Variants in CNTNAP2 observed in about 807,000 individuals in gnomAD.
CNTNAP2 encodes contactin associated protein 2, also known as contactin-associated protein-like 2.
CNTNAP2 carries 98 observed loss-of-function variants against 155.2 expected under a neutral mutation model. The observed-to-expected ratio is 0.63, with a 90% CI of 0.54 to 0.75. The LOEUF (loss-of-function observed/expected upper bound fraction) is 0.75, where lower values mean the gene tolerates loss of function less well. Ranked by LOEUF, CNTNAP2 falls within the 30% of genes least tolerant of loss-of-function variation. CNTNAP2 has a pLI of 0.00. For missense variants in CNTNAP2, 1,727 were observed against 1,688.1 expected (o/e 1.02, Z -0.40); for synonymous variants, 651 against 631.2 (o/e 1.03, Z -0.47).
intron 19 of CNTNAP2, among the ~76,000 whole-genome samples, chr7:148,224,787 G>T (rs2116770172): frequency 6.6e-6 from 1 of 152,274 alleles, no homozygotes; most frequent in African/African-American, 2.4e-5. Context: ...TTACAGTAAT[G>T]GTGGAAGGGG....
At chr7:146,472,579 GA>G (rs1402037208) in intron 1 of CNTNAP2, among the ~76,000 whole-genome samples, 1 of 151,988 alleles carries the variant, frequency 6.6e-6, no homozygotes, top group African/African-American at 2.4e-5. Context: ...CCATAAATAT[GA>G]AAAAGTAAAA....
intron 21 of CNTNAP2, among the ~76,000 whole-genome samples, chr7:148,342,552 C>G (rs1190920879): frequency 6.6e-6 from 1 of 152,202 alleles, no homozygotes; most frequent in Non-Finnish European, 1.5e-5. Context: ...CATACATGCA[C>G]AAGGCCTCCC....
chr7:146,794,686 T>C (rs915953186), intron 2 of CNTNAP2, among the ~76,000 whole-genome samples: 49 of 152,176 alleles, frequency 3.2e-4, no homozygotes, highest in African/African-American at 1.2e-3. Flanking sequence ...AACTGTGTTT[T>C]TTCATAATGA....
At chr7:147,399,288 A>C (rs1292275775) in intron 10 of CNTNAP2, among the ~76,000 whole-genome samples, 1 of 152,174 alleles carries the variant, frequency 6.6e-6, no homozygotes, top group Admixed American at 6.6e-5. Context: ...TGATGTACTC[A>C]CGTCTTAAAA....
intron 15 of CNTNAP2, among the ~76,000 whole-genome samples, chr7:148,104,759 C>T (rs988866831): frequency 2.6e-5 from 4 of 152,114 alleles, no homozygotes; most frequent in Non-Finnish European, 4.4e-5. Flanking sequence ...CCTGAGGACC[C>T]GGTGAAGATG....
chr7:147,772,043 A>C (rs2116537123), intron 13 of CNTNAP2, among the ~76,000 whole-genome samples: 1 of 152,182 alleles, frequency 6.6e-6, no homozygotes, highest in African/African-American at 2.4e-5. Context: ...CTTGAATAAA[A>C]CTTACAAGCC....
chr7:148,108,623 C>T (rs1804276191), intron 15 of CNTNAP2, among the ~76,000 whole-genome samples: 1 of 136,334 alleles, frequency 7.3e-6, no homozygotes, highest in Admixed American at 7.4e-5. Flanking sequence ...TGCAAGCTCT[C>T]ATGCATGAGT....
chr7:148,014,179 C>G (rs975099160), intron 15 of CNTNAP2: 26 of 151,238 alleles, frequency 1.7e-4, no homozygotes, highest in African/African-American at 5.9e-4. Flanking sequence ...AAATCTGGAA[C>G]AGAACCCACT....
chr7:147,912,448 C>G (rs568368068), intron 14 of CNTNAP2, among the ~76,000 whole-genome samples: 5 of 152,266 alleles, frequency 3.3e-5, no homozygotes, highest in Non-Finnish European at 5.9e-5. Flanking sequence ...GCTGTCTCAG[C>G]CTGTGACAGT....
intron 1 of CNTNAP2, among the ~76,000 whole-genome samples, chr7:146,472,654 C>A (rs1451699623): frequency 2.0e-5 from 3 of 152,072 alleles, no homozygotes; most frequent in Non-Finnish European, 4.4e-5. Flanking sequence ...AATATAGATT[C>A]TCTACAAGCA....
intron 4 of CNTNAP2, among the ~76,000 whole-genome samples, chr7:147,064,052 G>C (rs1407326879): frequency 6.6e-6 from 1 of 152,042 alleles, no homozygotes; most frequent in Non-Finnish European, 1.5e-5. Flanking sequence ...TTAGTTAATA[G>C]CACTGTTTGC....
At chr7:146,945,997 G>A (rs1797162412) in intron 3 of CNTNAP2, among the ~76,000 whole-genome samples, 1 of 152,076 alleles carries the variant, frequency 6.6e-6, no homozygotes, top group East Asian at 1.9e-4. Flanking sequence ...GAAAGGTGGG[G>A]CCAAAGAGAG....
chr7:147,868,252 C>T (rs968930997), intron 13 of CNTNAP2, among the ~76,000 whole-genome samples: 1 of 152,100 alleles, frequency 6.6e-6, no homozygotes, highest in Non-Finnish European at 1.5e-5. Flanking sequence ...CACTCCAGAC[C>T]CTGTTTTCTT....
chr7:146,833,375 C>G (rs1303528812), intron 2 of CNTNAP2, among the ~76,000 whole-genome samples: 1 of 152,070 alleles, frequency 6.6e-6, no homozygotes, highest in Non-Finnish European at 1.5e-5. Flanking sequence ...GTCTCTCTTT[C>G]TCTTTCTTCT....
chr7:147,436,675 G>C (rs1298932059), intron 10 of CNTNAP2, among the ~76,000 whole-genome samples: 2 of 152,264 alleles, frequency 1.3e-5, no homozygotes, highest in East Asian at 3.9e-4. Context: ...GAGTTTTTAA[G>C]AGCTGGGATG....
At chr7:147,821,821 T>A (rs1798366313) in intron 13 of CNTNAP2, among the ~76,000 whole-genome samples, 1 of 152,094 alleles carries the variant, frequency 6.6e-6, no homozygotes, top group Admixed American at 6.6e-5. Context: ...GATGAGGAAT[T>A]TGGGTTTTAT....
chr7:147,276,303 C>T (rs1468462139), intron 8 of CNTNAP2, among the ~76,000 whole-genome samples: 1 of 151,728 alleles, frequency 6.6e-6, no homozygotes, highest in East Asian at 1.9e-4. Context: ...GCTGTGAGTC[C>T]ATCTGGTCCT....
intron 1 of CNTNAP2, among the ~76,000 whole-genome samples, chr7:146,624,225 T>C (rs1799380474): frequency 6.6e-6 from 1 of 152,062 alleles, no homozygotes; most frequent in African/African-American, 2.4e-5. Context: ...TGTTAATTCT[T>C]TTAAGTGTCT....
chr7:147,438,681 C>T (rs1797590728), intron 10 of CNTNAP2, among the ~76,000 whole-genome samples: 1 of 151,856 alleles, frequency 6.6e-6, no homozygotes, highest in South Asian at 2.1e-4. Flanking sequence ...TTCTTCATTA[C>T]ATATTTGGTA....
Sources: allele counts gnomAD v4.1 joint callset (sites outside exome capture counted in the v4.1 genomes callset), GRCh38; gene constraint gnomAD v4.1.1; transcripts MANE v1.5; gene names NCBI Gene and HGNC (gene_info 2026-07-23, HGNC 2026-07-21).